COL18A1: variants seen among roughly 807,000 people sequenced by gnomAD.
COL18A1 encodes the protein collagen alpha-1(XVIII) chain.
Under a neutral mutation model 168.0 loss-of-function variants are expected in COL18A1, and 133 were observed. The ratio of observed to expected loss-of-function variants is 0.79; its 90% CI spans 0.69 to 0.91. The LOEUF (loss-of-function observed/expected upper bound fraction) is 0.91. Ranked by LOEUF, COL18A1 falls within the 40% of genes least tolerant of loss-of-function variation. The probability of loss-of-function intolerance (pLI) is 0.00; values close to 1 mark genes in which losing one functional copy is unlikely to be tolerated. For synonymous variants in COL18A1, 949 were observed against 809.0 expected (o/e 1.17, Z -2.94); for missense variants, 2,126 against 1,925.4 (o/e 1.10, Z -1.95).
chr21:45,454,267 C>T (rs774534043), intron 2 of COL18A1, among the ~76,000 whole-genome samples: 2 of 152,150 alleles, frequency 1.3e-5, no homozygotes, highest in Non-Finnish European at 2.9e-5. Flanking sequence ...GGACAGCAAT[C>T]GACCGATGGC....
chr21:45,466,283 C>G (rs1205015373), intron 2 of COL18A1, among the ~76,000 whole-genome samples: 1 of 152,202 alleles, frequency 6.6e-6, no homozygotes, highest in Non-Finnish European at 1.5e-5. Flanking sequence ...GCTGCACTGT[C>G]TGTCCTGGGC....
chr21:45,435,210 C>T (rs1251992509), intron 2 of COL18A1, among the ~76,000 whole-genome samples: 1 of 126,394 alleles, frequency 7.9e-6, no homozygotes, highest in Admixed American at 8.6e-5. Flanking sequence ...GGTAGGGGGT[C>T]GATGGGAGGA....
chr21:45,456,424 C>T (rs773381032), intron 2 of COL18A1: 38 of 1,544,512 alleles, frequency 2.5e-5, no homozygotes, highest in Non-Finnish European at 3.1e-5. Flanking sequence ...CCACTTTAAC[C>T]AGGGACAGCG....
intron 9 of COL18A1, among the ~76,000 whole-genome samples, chr21:45,478,843 T>C (rs577160866): frequency 6.6e-6 from 1 of 152,284 alleles, no homozygotes; most frequent in South Asian, 2.1e-4. Flanking sequence ...CAGCAAATGG[T>C]AACACTCGGC....
intron 39 of COL18A1, 119 bp downstream of exon 39, chr21:45,509,720 C>T: frequency 1.3e-6 from 1 of 741,208 alleles, no homozygotes; most frequent in Non-Finnish European, 2.4e-6. Context: ...GGGTGGGGGT[C>T]TGGCGGCTCA....
intron 9 of COL18A1, among the ~76,000 whole-genome samples, chr21:45,478,774 G>A (rs769364862): frequency 2.0e-5 from 3 of 152,094 alleles, no homozygotes; most frequent in Non-Finnish European, 2.9e-5. Flanking sequence ...AGCAAACACC[G>A]TTTCCAAGCA....
In COL18A1 at chr21:45,485,765, C is replaced by T. The variant is rs116307217; in HGVS notation, c.1702-1096C>T. Reference sequence around the variant, plus strand: ...GGAAAGCTCTGGCTTGGAGGCCCAGCCCCTGTGGGGGACATGGGAAGCAGG... The same window carrying T: ...GGAAAGCTCTGGCTTGGAGGCCCAGTCCCTGTGGGGGACATGGGAAGCAGG... On this transcript the variant is annotated intron_variant, in intron 15 of 41. Transcript: ENST00000651438. Among the ~76,000 whole-genome samples the T allele has an allele frequency of 5.0e-3, 765 of 152,314 alleles. 1 individual carries two copies. The highest frequency in any genetic ancestry group is 0.018 in the African/African-American group (728 of 41,566).
chr21:45,446,747 A>C (rs2034513253), intron 2 of COL18A1, among the ~76,000 whole-genome samples: 1 of 152,246 alleles, frequency 6.6e-6, no homozygotes, highest in Non-Finnish European at 1.5e-5. Flanking sequence ...TGGACACAGA[A>C]ATCCTTGGTA....
Position 45,468,348 on chromosome 21 carries a change from G to A in COL18A1, c.213G>A (p.Gly71=), listed in dbSNP as rs768128246. 5 of 1,613,718 alleles carry A rather than the reference G, an allele frequency of 3.1e-6. No individual in the cohort carries two copies. The South Asian group carries it at 5.5e-5, about 18-fold the overall frequency. ...ACGTCGGGCTGGCCTACGTCTTTGG[G>A]CCAGATGCCAACAGTGGCCAAGTGG... ...DPDVGLAYVF[G]PDANSGQVAR... Residue 71 remains glycine (G), a synonymous_variant, in exon 3 of 42, where the codon GGG becomes GGA. Transcript: ENST00000651438.
At chr21:45,467,317 A>G in intron 2 of COL18A1, 1 of 985,446 alleles carries the variant, frequency 1.0e-6, no homozygotes, top group Non-Finnish European at 1.2e-6. Flanking sequence ...GTCGAAGTGA[A>G]GTCAAGCTCC....
At chr21:45,497,703 G>A (rs1417566785) in intron 32 of COL18A1, 42 bp downstream of exon 32, 26 of 1,551,204 alleles carry the variant, frequency 1.7e-5, no homozygotes, top group Non-Finnish European at 2.2e-5. Flanking sequence ...GCCATGGCGT[G>A]GCCAGCACTG....
chr21:45,447,608 C>T (rs967060853), intron 2 of COL18A1, among the ~76,000 whole-genome samples: 20 of 152,238 alleles, frequency 1.3e-4, no homozygotes, highest in Non-Finnish European at 5.9e-5. Context: ...CTGCCAGAAT[C>T]CCCACTGGCT....
At chr21:45,429,443 C>G (rs1247869078) in intron 2 of COL18A1, among the ~76,000 whole-genome samples, 1 of 152,180 alleles carries the variant, frequency 6.6e-6, no homozygotes, top group East Asian at 1.9e-4. Flanking sequence ...AGGGAGTCAG[C>G]GGACGTTGAT....
At chr21:45,495,698 A>T in intron 29 of COL18A1, 1 of 441,574 alleles carries the variant, frequency 2.3e-6, no homozygotes, top group Non-Finnish European at 4.1e-6. Flanking sequence ...ATACATGCCC[A>T]TACACACGCG....
intron 2 of COL18A1, chr21:45,456,458 A>G: frequency 1.3e-6 from 2 of 1,544,908 alleles, no homozygotes; most frequent in South Asian, 1.2e-5. Context: ...CCACGTGGCT[A>G]ACTCTGTGGG....
chr21:45,507,716 C>A, intron 38 of COL18A1, 123 bp downstream of exon 38: 1 of 912,298 alleles, frequency 1.1e-6, no homozygotes, highest in Non-Finnish European at 1.8e-6. Flanking sequence ...TGTGGCTCAC[C>A]ATCAGCCCCT....
At position 45,473,328 on chromosome 21, in the gene COL18A1, T is replaced by C. The variant is rs1053645715; in HGVS notation, c.652-567T>C. On this transcript the variant is annotated intron_variant, in intron 3 of 41. Transcript: ENST00000651438. The surrounding 1 kb of genome is among the most constrained non-coding windows in gnomAD (Gnocchi z 4.0). ...TGGGTAGGTGGGTGAGTGAGTGAGA[T>C]TGGGTCCGGACGGAATGGGCGCAGA... Among the ~76,000 whole-genome samples the C allele has an allele frequency of 2.8e-4, 42 of 152,016 alleles. No individual in the cohort carries two copies. Among genetic ancestry groups the C allele is most frequent in the African/African-American group, 9.9e-4 (41 of 41,396 alleles).
At chr21:45,464,068 T>G (rs2035124370) in intron 2 of COL18A1, among the ~76,000 whole-genome samples, 1 of 152,214 alleles carries the variant, frequency 6.6e-6, no homozygotes, top group Non-Finnish European at 1.5e-5. Context: ...AGAACTGGGC[T>G]GGAGCCAAAC....
chr21:45,420,857 G>C (rs62216296), intron 2 of COL18A1: 1 of 153,558 alleles, frequency 6.5e-6, no homozygotes, highest in Non-Finnish European at 1.4e-5. Flanking sequence ...GTGAACAGTG[G>C]CGGGGAACCT....
Sources: gnomAD v4.1 joint callset for allele counts (sites outside exome capture counted in the v4.1 genomes callset) on GRCh38, gnomAD v4.1.1 for gene constraint, Gnocchi (gnomAD v3.1) non-coding constraint, MANE v1.5 for transcripts, NCBI Gene and HGNC (gene_info 2026-07-23, HGNC 2026-07-21) for gene names.